CD36: variants seen among roughly 807,000 people sequenced by gnomAD.
CD36 encodes the protein platelet glycoprotein 4.
CD36 carries 119 observed loss-of-function variants against 55.2 expected under a neutral mutation model. The observed-to-expected ratio is 2.15, with a 90% CI of 1.86 to 2.51. The LOEUF (loss-of-function observed/expected upper bound fraction) is 2.51. Among genes scored for constraint, CD36 ranks in the 30% most tolerant of loss-of-function variants. CD36 has a pLI of 0.00. For synonymous variants in CD36, 186 were observed against 193.6 expected (o/e 0.96, Z 0.33); for missense variants, 819 against 555.5 (o/e 1.47, Z -4.77).
In CD36 at chr7:80,604,299, T is replaced by C. The variant is rs559244925; in HGVS notation, c.-184+1920T>C. On this transcript the variant is annotated intron_variant, in intron 1 of 13. Coordinates refer to the CD36 transcript ENST00000309881. ...AAAAAGAATATAGTTGAGTAAATAG[T>C]TTTAGTGTTCTGTTGTATATAGAAG... Among the ~76,000 whole-genome samples the C allele has an allele frequency of 2.2e-4, 33 of 150,094 alleles. 1 individual carries two copies. The highest frequency in any genetic ancestry group is 7.3e-4 in the African/African-American group (30 of 40,990).
intron 14 of CD36, among the ~76,000 whole-genome samples, chr7:80,675,510 T>C (rs1352195862): frequency 6.6e-6 from 1 of 152,166 alleles, no homozygotes; most frequent in Non-Finnish European, 1.5e-5. Flanking sequence ...TAAATTATAA[T>C]GAAAAATTCA....
intron 1 of CD36, among the ~76,000 whole-genome samples, chr7:80,642,652 A>G (rs1416676357): frequency 6.6e-6 from 1 of 152,164 alleles, no homozygotes; most frequent in African/African-American, 2.4e-5. Flanking sequence ...ACCGAGTGAT[A>G]ATAAATGAAC....
intron 4 of CD36, among the ~76,000 whole-genome samples, chr7:80,659,083 C>T (rs1386906931): frequency 6.6e-6 from 1 of 152,136 alleles, no homozygotes; most frequent in East Asian, 1.9e-4. Flanking sequence ...GTCATCTTGT[C>T]TCAGCATGTC....
At chr7:80,640,421 A>G (rs1179136627) in intron 1 of CD36, among the ~76,000 whole-genome samples, 1 of 152,024 alleles carries the variant, frequency 6.6e-6, no homozygotes, top group Non-Finnish European at 1.5e-5. Flanking sequence ...AACATTTTCT[A>G]CAATATAAAT....
At chr7:80,615,578 C>T (rs1363108581) in intron 1 of CD36, among the ~76,000 whole-genome samples, 1 of 152,188 alleles carries the variant, frequency 6.6e-6, no homozygotes, top group East Asian at 1.9e-4. Context: ...TCAACAAAAT[C>T]ACAATCTATT....
chr7:80,667,383 T>C (rs1190960363), intron 8 of CD36, among the ~76,000 whole-genome samples: 2 of 149,974 alleles, frequency 1.3e-5, no homozygotes, highest in African/African-American at 4.9e-5. Flanking sequence ...TGAGCTATAA[T>C]TGTGCCTCTG....
rs1797512445 is a variant in CD36, at chr7:80,670,081, G to A, written c.818+59G>A. The A allele has an allele frequency of 8.6e-6, 9 of 1,042,846 alleles. No homozygotes were observed. The South Asian group carries it at 1.0e-4, about 12-fold the overall frequency. 64.6% of individuals were successfully genotyped at this position (1,042,846 alleles called of 1,614,324 possible). ...GTCAGACCCCAGGTGACAAAATGCA[G>A]ACCAAGAAACTTAAACACAGCATAG... On this transcript the variant is annotated intron_variant, in intron 9 of 14. Coordinates refer to ENST00000447544, the MANE Select transcript of CD36 (RefSeq NM_001001548.3).
At chr7:80,611,024 C>CA (rs955778362) in intron 1 of CD36, among the ~76,000 whole-genome samples, 65 of 152,216 alleles carry the variant, frequency 4.3e-4, no homozygotes, top group African/African-American at 1.6e-3. Flanking sequence ...TACAGGTACA[C>CA]ACCACCATGC....
Position 80,663,255 on chromosome 7 carries a change from G to A in CD36, c.609+86G>A, listed in dbSNP as rs1449730928. The A allele has an allele frequency of 2.1e-5, 25 of 1,168,124 alleles. No homozygotes were observed. In the South Asian group the frequency reaches 2.5e-4, roughly 12 times the overall value. 72.4% of individuals were successfully genotyped at this position (1,168,124 alleles called of 1,614,324 possible). ...TGGCAAGGCATAATTTTATAATTTA[G>A]CTCATTAGTCTTATTGCTGATCTGG... On this transcript the variant is annotated intron_variant, in intron 6 of 14. Coordinates refer to ENST00000447544, the MANE Select transcript of CD36 (RefSeq NM_001001548.3).
At position 80,668,092 on chromosome 7, in the gene CD36, T is replaced by C. The variant is rs139721282; in HGVS notation, c.748+1603T>C. Among the ~76,000 whole-genome samples the C allele has an allele frequency of 5.0e-3, 761 of 152,216 alleles. 5 individuals are homozygous for C. The highest frequency in any genetic ancestry group is 0.016 in the African/African-American group (671 of 41,532). ...GCCATAGGAGTGGGCAAATAAGCTA[T>C]TTTCTAAGTAAAGCATTTCTGGAAA... On this transcript the variant is annotated intron_variant, in intron 8 of 14. Transcript: ENST00000447544.
intron 10 of CD36, 73 bp from the exon 11 acceptor site, chr7:80,671,849 G>C: frequency 7.2e-7 from 1 of 1,386,894 alleles, no homozygotes; most frequent in Non-Finnish European, 1.0e-6. Flanking sequence ...TAGTTTTGTG[G>C]AAATATTTTT....
At chr7:80,654,853 T>C (rs1172432319) in intron 3 of CD36, among the ~76,000 whole-genome samples, 1 of 148,528 alleles carries the variant, frequency 6.7e-6, no homozygotes, top group African/African-American at 2.5e-5. Flanking sequence ...TAATTTGACT[T>C]CTACCAACTA....
At chr7:80,674,261 GCCACTGATCATTTTT>G in intron 14 of CD36, 114 bp downstream of exon 14, 4 of 717,742 alleles carry the variant, frequency 5.6e-6, no homozygotes, top group Middle Eastern at 3.5e-4. Flanking sequence ...GACATGTCTA[GCCACTGATCATTTTT>G]AAATATAGGT....
intron 3 of CD36, among the ~76,000 whole-genome samples, chr7:80,650,360 C>T (rs1327191737): frequency 6.6e-6 from 1 of 152,052 alleles, no homozygotes; most frequent in African/African-American, 2.4e-5. Context: ...TAGACTGTTT[C>T]TTTTTTCTTC....
In CD36 at chr7:80,673,967, A is replaced by T; in HGVS notation, c.1255-16A>T. On this transcript the variant is annotated splice_polypyrimidine_tract_variant and intron_variant, in intron 13 of 14. Transcript: ENST00000447544. The stretch of plus-strand genomic sequence containing the variant: ...CTAACGTACCCAAATAATGTTGATT[A>T]TTAACTTGATTACAGACTGGGACCA... 3.1e-6 allele frequency: 5 copies of T among 1,604,720 alleles called. No homozygotes were observed. The highest frequency in any genetic ancestry group is 4.3e-6 in the Non-Finnish European group (5 of 1,172,506).
intron 6 of CD36, 58 bp downstream of exon 6, chr7:80,663,227 C>T: frequency 7.2e-7 from 1 of 1,379,374 alleles, no homozygotes; most frequent in Non-Finnish European, 1.0e-6. Flanking sequence ...AATTCAATGG[C>T]ATTGGCAAGG....
intron 3 of CD36, among the ~76,000 whole-genome samples, chr7:80,651,329 C>A (rs1795601077): frequency 6.6e-6 from 1 of 152,058 alleles, no homozygotes; most frequent in East Asian, 1.9e-4. Flanking sequence ...GTACACCAAA[C>A]CTCCATGACA....
rs1370109740 is a variant in CD36, at chr7:80,666,232, A to G, written c.702-211A>G. On this transcript the variant is annotated intron_variant, in intron 7 of 14. Coordinates refer to ENST00000447544, the MANE Select transcript of CD36 (RefSeq NM_001001548.3). Reference sequence around the variant, plus strand: ...ATTAACACCTGGCAGTTTTTATTTTATGATCTGGCTACCTAATGGCATCAG... The same window carrying G: ...ATTAACACCTGGCAGTTTTTATTTTGTGATCTGGCTACCTAATGGCATCAG... 5 of 499,382 alleles carry G rather than the reference A, an allele frequency of 1.0e-5. No individual in the cohort carries two copies. In the African/African-American group the frequency reaches 1.0e-4, roughly 10 times the overall value. The allele number at this position is 499,382 out of a possible 1,614,324, so 30.9% of individuals were successfully genotyped here.
At chr7:80,667,427 C>CTG (rs1797196429) in intron 8 of CD36, among the ~76,000 whole-genome samples, 2 of 75,706 alleles carry the variant, frequency 2.6e-5, no homozygotes, top group African/African-American at 1.2e-4. Context: ...GAGACCCTGT[C>CTG]TCAAAAAAAA....
Sources: gnomAD v4.1 joint callset for allele counts (sites outside exome capture counted in the v4.1 genomes callset) on GRCh38, gnomAD v4.1.1 for gene constraint, MANE v1.5 for transcripts, NCBI Gene and HGNC (gene_info 2026-07-23, HGNC 2026-07-21) for gene names.